NEO1: variants seen among roughly 807,000 people sequenced by gnomAD.
NEO1 encodes neogenin 1, also known as neogenin.
Under a neutral mutation model 159.7 loss-of-function variants are expected in NEO1, and 63 were observed. The ratio of observed to expected loss-of-function variants is 0.39; its 90% CI spans 0.32 to 0.49. NEO1 has a LOEUF of 0.49. Among genes scored for constraint, NEO1 ranks in the 20% least tolerant of loss-of-function variants. NEO1 has a pLI of 0.85. For missense variants in NEO1, 1,615 were observed against 1,831.0 expected (o/e 0.88, Z 2.15); for synonymous variants, 633 against 662.0 (o/e 0.96, Z 0.67).
intron 1 of NEO1, among the ~76,000 whole-genome samples, chr15:73,089,246 C>T (rs774074227): frequency 1.2e-4 from 18 of 151,776 alleles, no homozygotes; most frequent in East Asian, 1.9e-4. Context: ...TTTTTAAGAC[C>T]GGACATAAGT....
chr15:73,210,453 C>G (rs1420498668), intron 7 of NEO1, among the ~76,000 whole-genome samples: 3 of 152,188 alleles, frequency 2.0e-5, no homozygotes, highest in African/African-American at 7.2e-5. Context: ...ACTAAATTGT[C>G]AAATTGGAAA....
At chr15:73,063,803 G>A (rs1008354745) in intron 1 of NEO1, among the ~76,000 whole-genome samples, 1 of 152,188 alleles carries the variant, frequency 6.6e-6, no homozygotes. Flanking sequence ...TGATGATGAT[G>A]AAATCATAGC....
At chr15:73,294,001 T>C (rs2042257846) in intron 26 of NEO1, among the ~76,000 whole-genome samples, 1 of 152,142 alleles carries the variant, frequency 6.6e-6, no homozygotes, top group Non-Finnish European at 1.5e-5. Context: ...GCAAACAACA[T>C]CCAAGGAGCA....
intron 3 of NEO1, among the ~76,000 whole-genome samples, chr15:73,125,671 A>G (rs2151678723): frequency 6.6e-6 from 1 of 152,330 alleles, no homozygotes; most frequent in South Asian, 2.1e-4. Flanking sequence ...TTCTGCCCAC[A>G]AGAGTGTGGC....
chr15:73,150,028 GCA>G (rs1266837331), intron 5 of NEO1, among the ~76,000 whole-genome samples: 1 of 152,062 alleles, frequency 6.6e-6, no homozygotes, highest in African/African-American at 2.4e-5. Context: ...CTCTTGCCCA[GCA>G]CACACACCTT....
intron 5 of NEO1, among the ~76,000 whole-genome samples, chr15:73,151,086 T>G (rs980678086): frequency 1.3e-5 from 2 of 152,216 alleles, no homozygotes; most frequent in African/African-American, 4.8e-5. Context: ...TGAGTTCTGG[T>G]TGCTCCACAT....
Position 73,116,653 on chromosome 15 carries a change from C to G in NEO1, c.244C>G (p.Pro82Ala), listed in dbSNP as rs745931422. Residue 82 changes from proline to alanine, a missense_variant, in exon 2 of 29, where the codon CCA becomes GCA. Around this residue, in one of 3 missense-constraint regions of NEO1, gnomAD observed 1,018 missense variants for 1,115.4 expected, o/e 0.91. Coordinates refer to ENST00000261908, the MANE Select transcript of NEO1 (RefSeq NM_002499.4). ...LNCSAYSEPSPKIEWKKDGTF... is the reference protein window; with the variant it reads ...LNCSAYSEPSAKIEWKKDGTF... ...CTGTTCAGCATATTCTGAGCCTTCTCCAAAAATTGAATGGAAAAAAGATGG... is the reference window on the plus strand; with the variant it reads ...CTGTTCAGCATATTCTGAGCCTTCTGCAAAAATTGAATGGAAAAAAGATGG... The G allele has an allele frequency of 2.5e-6, 4 of 1,613,910 alleles. No individual in the cohort carries two copies. Among genetic ancestry groups the G allele is most frequent in the Non-Finnish European group, 3.4e-6 (4 of 1,179,918 alleles).
intron 5 of NEO1, among the ~76,000 whole-genome samples, chr15:73,151,887 A>G (rs2033400653): frequency 6.6e-6 from 1 of 152,234 alleles, no homozygotes; most frequent in African/African-American, 2.4e-5. Flanking sequence ...AAGCAAAAGA[A>G]CAATCTCATG....
At chr15:73,180,300 A>G (rs1413781042) in intron 7 of NEO1, among the ~76,000 whole-genome samples, 6 of 152,134 alleles carry the variant, frequency 3.9e-5, no homozygotes, top group East Asian at 1.9e-4. Context: ...TTTGTGTGCT[A>G]TTTTTTGAAA....
intron 7 of NEO1, among the ~76,000 whole-genome samples, chr15:73,207,617 G>T (rs951296086): frequency 6.6e-6 from 1 of 152,120 alleles, no homozygotes; most frequent in African/African-American, 2.4e-5. Context: ...TACTTTATAT[G>T]TAATACAGTC....
intron 3 of NEO1, among the ~76,000 whole-genome samples, chr15:73,125,892 T>A (rs139886583): frequency 2.1e-3 from 313 of 148,936 alleles, no homozygotes; most frequent in African/African-American, 7.4e-3. Flanking sequence ...AAACCTCTTA[T>A]CCCTGTGAGT....
intron 27 of NEO1, among the ~76,000 whole-genome samples, chr15:73,300,449 G>T (rs2042567394): frequency 6.6e-6 from 1 of 152,226 alleles, no homozygotes; most frequent in East Asian, 1.9e-4. Context: ...ACAGCTGTTG[G>T]CCGGGCGCGG....
chr15:73,215,497 C>G (rs924676660), intron 7 of NEO1, among the ~76,000 whole-genome samples: 2 of 152,124 alleles, frequency 1.3e-5, no homozygotes, highest in African/African-American at 4.8e-5. Context: ...TAAAGGGATA[C>G]TGGATTTTGT....
At chr15:73,174,570 G>A (rs1393053713) in intron 5 of NEO1, among the ~76,000 whole-genome samples, 1 of 152,074 alleles carries the variant, frequency 6.6e-6, no homozygotes, top group Admixed American at 6.5e-5. Flanking sequence ...CACCATAGGA[G>A]CAAAAAGAAG....
intron 13 of NEO1, chr15:73,256,079 T>C (rs1468671264): frequency 6.6e-6 from 1 of 152,222 alleles, no homozygotes; most frequent in African/African-American, 2.4e-5. Flanking sequence ...TTGGAAACTT[T>C]AACTTTCTTT....
intron 7 of NEO1, among the ~76,000 whole-genome samples, chr15:73,235,915 T>C (rs1349826300): frequency 2.0e-5 from 3 of 152,206 alleles, no homozygotes; most frequent in African/African-American, 4.8e-5. Flanking sequence ...TGCAAGACTT[T>C]TATGCAAAGT....
intron 1 of NEO1, among the ~76,000 whole-genome samples, chr15:73,068,250 T>C (rs2151297018): frequency 8.6e-6 from 1 of 116,858 alleles, no homozygotes; most frequent in East Asian, 2.9e-4. Context: ...TTTGAGACAG[T>C]GTCTCACTGC....
intron 5 of NEO1, among the ~76,000 whole-genome samples, chr15:73,149,000 T>G (rs1439386975): frequency 4.6e-5 from 7 of 151,966 alleles, no homozygotes; most frequent in African/African-American, 1.7e-4. Context: ...TTGTTTAGAT[T>G]TTTTTCTTGT....
At chr15:73,271,254 T>C (rs1203320979) in intron 18 of NEO1, among the ~76,000 whole-genome samples, 1 of 152,220 alleles carries the variant, frequency 6.6e-6, no homozygotes, top group African/African-American at 2.4e-5. Context: ...CCAACCATTT[T>C]AAGAAAATGT....
Sources: allele counts gnomAD v4.1 joint callset (sites outside exome capture counted in the v4.1 genomes callset), GRCh38; gene constraint gnomAD v4.1.1; regional missense constraint gnomAD v4.1.1; transcripts MANE v1.5; gene names NCBI Gene and HGNC (gene_info 2026-07-23, HGNC 2026-07-21).